PCDH15: variants seen among roughly 807,000 people sequenced by gnomAD.
PCDH15 encodes protocadherin related 15, also known as protocadherin-15.
Under a neutral mutation model 178.5 loss-of-function variants are expected in PCDH15, and 129 were observed. The ratio of observed to expected loss-of-function variants is 0.72; its 90% CI spans 0.63 to 0.84. The LOEUF (loss-of-function observed/expected upper bound fraction) is 0.84, where lower values mean the gene tolerates loss of function less well. PCDH15 is among the 40% of genes least tolerant of loss of function. The pLI, the probability that PCDH15 is intolerant of heterozygous loss-of-function variation, is 0.00. For missense variants in PCDH15, 2,230 were observed against 2,099.9 expected, an observed-to-expected ratio of 1.06 and a Z score of -1.21; for synonymous variants, 800 against 732.0, an observed-to-expected ratio of 1.09 and a Z score of -1.50.
At chr10:55,043,769 G>A (rs1030589096) in intron 2 of PCDH15, among the ~76,000 whole-genome samples, 18 of 150,868 alleles carry the variant, frequency 1.2e-4, no homozygotes, top group African/African-American at 4.1e-4. Flanking sequence ...AAGATTAAAA[G>A]AAGAAAAAAA....
chr10:54,635,338 A>G (rs1321553482), intron 2 of PCDH15, among the ~76,000 whole-genome samples: 1 of 151,632 alleles, frequency 6.6e-6, no homozygotes, highest in Non-Finnish European at 1.5e-5. Context: ...AGCTCCATGT[A>G]AAAATGGTGA....
intron 9 of PCDH15, among the ~76,000 whole-genome samples, chr10:54,224,174 C>A (rs1427703298): frequency 6.6e-6 from 1 of 152,098 alleles, no homozygotes; most frequent in Non-Finnish European, 1.5e-5. Context: ...CAGATTTTGA[C>A]ATTGTAGATA....
At chr10:55,173,947 T>A (rs1382844407) in intron 1 of PCDH15, among the ~76,000 whole-genome samples, 1 of 152,144 alleles carries the variant, frequency 6.6e-6, no homozygotes, top group Non-Finnish European at 1.5e-5. Context: ...CAAATATGAA[T>A]TACTGCATTT....
chr10:54,174,697 C>CTTTTCTTTTTTTTTTTTTTTTTTTT (rs2047252849), intron 13 of PCDH15, among the ~76,000 whole-genome samples: 1 of 70,830 alleles, frequency 1.4e-5, no homozygotes, highest in South Asian at 4.0e-4. Flanking sequence ...TTTTCTTTTT[C>CTTTTCTTTTTTTTTTTTTTTTTTTT]TTTTCTTTTT....
intron 2 of PCDH15, among the ~76,000 whole-genome samples, chr10:55,615,214 A>C (rs1843449767): frequency 8.0e-6 from 1 of 125,132 alleles, no homozygotes; most frequent in Non-Finnish European, 1.7e-5. Context: ...TATAATAAAA[A>C]AGTTTAATAG....
At chr10:54,212,800 A>G (rs907654217) in intron 10 of PCDH15, among the ~76,000 whole-genome samples, 1 of 152,182 alleles carries the variant, frequency 6.6e-6, no homozygotes, top group Non-Finnish European at 1.5e-5. Flanking sequence ...AAGTATCTGC[A>G]TATTTGTGAA....
At chr10:53,989,305 G>A (rs2091312538) in intron 21 of PCDH15, among the ~76,000 whole-genome samples, 1 of 152,000 alleles carries the variant, frequency 6.6e-6, no homozygotes, top group Non-Finnish European at 1.5e-5. Flanking sequence ...CAAATTTTAC[G>A]CACATTTCCA....
intron 1 of PCDH15, among the ~76,000 whole-genome samples, chr10:54,737,627 C>T (rs1330421492): frequency 6.6e-6 from 1 of 151,972 alleles, no homozygotes; most frequent in African/African-American, 2.4e-5. Flanking sequence ...CCTCTCTGGG[C>T]CTCACTTTTT....
intron 28 of PCDH15, among the ~76,000 whole-genome samples, chr10:53,841,186 ATGAATTATTAC>A: frequency 6.6e-6 from 1 of 152,200 alleles, no homozygotes; most frequent in South Asian, 2.1e-4. Context: ...AATTGAAAGT[ATGAATTATTAC>A]CATTTCCCAA....
chr10:54,029,333 G>C lies in PCDH15; in HGVS notation c.2221-6136C>G, dbSNP rs540872122. ...AATCAATTAAAAGTTAATTAAATTT[G>C]TTAATAAGAAAAATAACACATCTCT... On this transcript the variant is annotated intron_variant, in intron 18 of 37. Coordinates refer to ENST00000644397, the MANE Select transcript of PCDH15 (RefSeq NM_001384140.1). Among the ~76,000 whole-genome samples, 3 of 152,250 alleles carry C rather than the reference G, an allele frequency of 2.0e-5. No individual in the cohort carries two copies. The East Asian group carries it at 5.8e-4, about 29-fold the overall frequency.
intron 13 of PCDH15, among the ~76,000 whole-genome samples, chr10:54,169,869 A>C (rs138360135): frequency 0.089 from 13,500 of 151,588 alleles, 1,140 homozygotes; most frequent in African/African-American, 0.22. Context: ...AAAACCAGAT[A>C]AGCCTTACAA....
chr10:54,568,429 C>CA (rs547895470), intron 2 of PCDH15: 28 of 152,064 alleles, frequency 1.8e-4, no homozygotes, highest in African/African-American at 6.5e-4. Context: ...TTTGTTTATT[C>CA]AAAAAATGGA....
intron 2 of PCDH15, among the ~76,000 whole-genome samples, chr10:55,140,719 C>T (rs1838329339): frequency 6.6e-6 from 1 of 151,936 alleles, no homozygotes; most frequent in Admixed American, 6.6e-5. Context: ...GGGTAGACTT[C>T]TCCAGTGGAC....
At chr10:55,020,062 GA>G (rs749644979) in intron 2 of PCDH15, among the ~76,000 whole-genome samples, 1 of 150,048 alleles carries the variant, frequency 6.7e-6, no homozygotes, top group African/African-American at 2.4e-5. Context: ...TCCTCTCAAA[GA>G]AAATCGTAGT....
chr10:54,576,293 A>G (rs2090476546), intron 2 of PCDH15, among the ~76,000 whole-genome samples: 1 of 152,216 alleles, frequency 6.6e-6, no homozygotes, highest in South Asian at 2.1e-4. Context: ...AGCATTGGAT[A>G]TGTAGACTAC....
chr10:54,622,687 T>G, intron 2 of PCDH15, among the ~76,000 whole-genome samples: 1 of 84,732 alleles, frequency 1.2e-5, no homozygotes, highest in Non-Finnish European at 2.1e-5. Flanking sequence ...ATATATATTA[T>G]ATAATATATA....
At chr10:53,872,048 T>TC (rs1238264907) in intron 26 of PCDH15, among the ~76,000 whole-genome samples, 2 of 152,142 alleles carry the variant, frequency 1.3e-5, no homozygotes, top group African/African-American at 4.8e-5. Flanking sequence ...CAAAACCTCT[T>TC]CCTCAGTTGA....
chr10:54,134,610 T>G (rs12257014), intron 14 of PCDH15, among the ~76,000 whole-genome samples: 2,337 of 151,398 alleles, frequency 0.015, 76 homozygotes, highest in African/African-American at 0.054. Flanking sequence ...AAAATTAGCT[T>G]GGCGTGGTTG....
At chr10:54,107,591 C>G (rs2094939148) in intron 15 of PCDH15, among the ~76,000 whole-genome samples, 1 of 152,148 alleles carries the variant, frequency 6.6e-6, no homozygotes, top group Non-Finnish European at 1.5e-5. Flanking sequence ...GCCAAATGGA[C>G]TGGCAGTGAA....
Sources: allele counts gnomAD v4.1 joint callset (sites outside exome capture counted in the v4.1 genomes callset), GRCh38; gene constraint gnomAD v4.1.1; transcripts MANE v1.5; gene names NCBI Gene and HGNC (gene_info 2026-07-23, HGNC 2026-07-21).